The following TCF4 variants were observed in gnomAD, a reference collection of about 807,000 sequenced individuals.
TCF4 encodes transcription factor 4.
A neutral mutation model predicts 82.1 loss-of-function variants in TCF4; 3 were observed. That is an observed-to-expected ratio of 0.04 (90% CI 0.02 to 0.09). The LOEUF (loss-of-function observed/expected upper bound fraction) is 0.09. TCF4 is among the 10% of genes least tolerant of loss of function. The pLI is 1.00. For missense variants in TCF4, 518 were observed against 852.7 expected (o/e 0.61, Z 4.89); for synonymous variants, 276 against 309.6 (o/e 0.89, Z 1.14).
At chr18:55,305,576 T>A (rs895541857) in intron 8 of TCF4, among the ~76,000 whole-genome samples, 2 of 152,226 alleles carry the variant, frequency 1.3e-5, no homozygotes, top group Non-Finnish European at 2.9e-5. Flanking sequence ...TTTTTGGTTG[T>A]TAAGCTTTCA....
chr18:55,258,405 T>G (rs1414989855), intron 13 of TCF4, among the ~76,000 whole-genome samples: 1 of 152,162 alleles, frequency 6.6e-6, no homozygotes, highest in Non-Finnish European at 1.5e-5. Context: ...GAGATCATGC[T>G]ACTCAGGTCG....
chr18:55,436,263 T>C (rs928258830), intron 5 of TCF4, among the ~76,000 whole-genome samples: 1 of 152,212 alleles, frequency 6.6e-6, no homozygotes, highest in African/African-American at 2.4e-5. Flanking sequence ...AAGAAATGGT[T>C]ATTAACATCC....
At position 55,228,097 on chromosome 18, in the gene TCF4, T is replaced by A. The variant is rs574801586; in HGVS notation, c.*5-67A>T. 407 of 1,274,784 alleles carry A rather than the reference T, an allele frequency of 3.2e-4. 2 individuals are homozygous for A. The highest frequency in any genetic ancestry group is 1.5e-3 in the South Asian group (113 of 74,870). 79.0% of individuals were successfully genotyped at this position (1,274,784 alleles called of 1,614,324 possible). A position where few individuals can be genotyped will look rare whatever the true frequency, so the allele number is the denominator to read the frequency against. ...TGTAACAGAAAAAGTATGCTTTTTT[T>A]AAAAAAAATTCTTTTTCCATGAAAG... is the stretch of plus-strand genomic sequence containing the variant. On this transcript the variant is annotated intron_variant, in intron 19 of 19. Transcript: ENST00000354452.
chr18:55,585,616 A>C (rs1283447560), intron 2 of TCF4: 1 of 590,346 alleles, frequency 1.7e-6, no homozygotes, highest in South Asian at 2.4e-5. Flanking sequence ...GAACAAACAC[A>C]GTCCCCATAA....
At chr18:55,594,671 G>A (rs1252383424) in intron 2 of TCF4, among the ~76,000 whole-genome samples, 1 of 152,166 alleles carries the variant, frequency 6.6e-6, no homozygotes, top group Non-Finnish European at 1.5e-5. Context: ...CCCTAAAGAT[G>A]TAAGTACAAT....
intron 11 of TCF4, among the ~76,000 whole-genome samples, chr18:55,263,363 T>C (rs1026542439): frequency 6.6e-6 from 1 of 152,230 alleles, no homozygotes; most frequent in South Asian, 2.1e-4. Flanking sequence ...AGCTCAGATA[T>C]CAAGAGTATT....
chr18:55,290,950 A>G (rs1272589761), intron 8 of TCF4, among the ~76,000 whole-genome samples: 1 of 152,220 alleles, frequency 6.6e-6, no homozygotes, highest in Non-Finnish European at 1.5e-5. Context: ...AGCAAATTTG[A>G]CAAAATTCTA....
Position 55,290,675 on chromosome 18 carries a change from C to T in TCF4, c.550-11019G>A, listed in dbSNP as rs539475603. On this transcript the variant is annotated intron_variant, in intron 8 of 19. Coordinates refer to ENST00000354452, the MANE Select transcript of TCF4 (RefSeq NM_001083962.2). ...AAATGTCTTTAGTGCTGTGTTTGTACCTAATAAGCACAGACAGCCAAAAAG... is the reference window on the plus strand; with the variant it reads ...AAATGTCTTTAGTGCTGTGTTTGTATCTAATAAGCACAGACAGCCAAAAAG... 7.9e-5 allele frequency among the ~76,000 whole-genome samples: 12 copies of T among 152,188 alleles called. No individual in the cohort carries two copies. In the South Asian group the frequency reaches 2.5e-3, roughly 32 times the overall value.
At chr18:55,416,213 T>C (rs1014652762) in intron 5 of TCF4, among the ~76,000 whole-genome samples, 1 of 152,154 alleles carries the variant, frequency 6.6e-6, no homozygotes, top group African/African-American at 2.4e-5. Context: ...TTCCTACTGT[T>C]TTCCAAGCTT....
At chr18:55,522,135 G>A (rs1054222593) in intron 3 of TCF4, among the ~76,000 whole-genome samples, 3 of 152,178 alleles carry the variant, frequency 2.0e-5, no homozygotes, top group Admixed American at 1.3e-4. Flanking sequence ...TGTTACCAGA[G>A]TGATGATAAC....
intron 15 of TCF4, among the ~76,000 whole-genome samples, chr18:55,242,421 T>C (rs1005548028): frequency 6.6e-6 from 1 of 152,182 alleles, no homozygotes; most frequent in Non-Finnish European, 1.5e-5. Context: ...ATGACACAAA[T>C]GCTATGGATC....
intron 3 of TCF4, chr18:55,551,247 C>G (rs2097258171): frequency 6.6e-6 from 1 of 152,258 alleles, no homozygotes; most frequent in South Asian, 2.1e-4. Context: ...ACCCAGCCCT[C>G]TTTACATATT....
intron 3 of TCF4, among the ~76,000 whole-genome samples, chr18:55,575,194 T>C (rs1391619261): frequency 6.6e-6 from 1 of 152,188 alleles, no homozygotes; most frequent in African/African-American, 2.4e-5. Flanking sequence ...AGAAAATTAA[T>C]CTTGCAGTTA....
At chr18:55,476,357 C>A (rs561959222) in intron 3 of TCF4, among the ~76,000 whole-genome samples, 5 of 152,324 alleles carry the variant, frequency 3.3e-5, no homozygotes, top group African/African-American at 1.2e-4. Flanking sequence ...CCATTCAATA[C>A]AGCATAAGCA....
At chr18:55,260,618 G>A (rs1215906299) in intron 12 of TCF4, among the ~76,000 whole-genome samples, 1 of 152,108 alleles carries the variant, frequency 6.6e-6, no homozygotes, top group Non-Finnish European at 1.5e-5. Flanking sequence ...GAGTGCAGTG[G>A]CATGATCTCA....
intron 6 of TCF4, among the ~76,000 whole-genome samples, chr18:55,365,217 A>ATATG (rs1555949857): frequency 1.4e-4 from 18 of 126,000 alleles, no homozygotes; most frequent in African/African-American, 5.8e-4. Flanking sequence ...GTGTATATAT[A>ATATG]TGTGTGTGTG....
chr18:55,259,861 G>A (rs2057665546), intron 13 of TCF4, 88 bp downstream of exon 13: 2 of 1,148,444 alleles, frequency 1.7e-6, no homozygotes, highest in East Asian at 2.4e-5. Context: ...GGGGGGAAGT[G>A]AGTTTCCACC....
chr18:55,555,453 G>C lies in TCF4; in HGVS notation c.145+29827C>G, dbSNP rs937925300. On this transcript the variant is annotated intron_variant, in intron 3 of 19. Transcript: ENST00000354452. The stretch of plus-strand genomic sequence containing the variant: ...TTAGAGGGGTCGAAACCATAAAATG[G>C]TAACATTTTCAGAAATACGACTTTT... Among the ~76,000 whole-genome samples, 4 of 152,074 alleles carry C rather than the reference G, an allele frequency of 2.6e-5. No homozygotes were observed. In the East Asian group the frequency reaches 7.7e-4, roughly 29 times the overall value.
chr18:55,347,701 A>C (rs961012747), intron 8 of TCF4, among the ~76,000 whole-genome samples: 3 of 152,180 alleles, frequency 2.0e-5, no homozygotes, highest in African/African-American at 7.2e-5. Flanking sequence ...GGCGTGTCAC[A>C]AATAATACCT....
Sources: allele counts gnomAD v4.1 joint callset (sites outside exome capture counted in the v4.1 genomes callset), GRCh38; gene constraint gnomAD v4.1.1; transcripts MANE v1.5; gene names NCBI Gene and HGNC (gene_info 2026-07-23, HGNC 2026-07-21).